Variants in STAG1 observed in about 807,000 individuals in gnomAD.
STAG1 encodes the protein cohesin subunit SA-1.
A neutral mutation model predicts 170.9 loss-of-function variants in STAG1; 26 were observed. That is an observed-to-expected ratio of 0.15 (90% CI 0.11 to 0.21). STAG1 has a LOEUF of 0.21. Ranked by LOEUF, STAG1 falls within the 10% of genes least tolerant of loss-of-function variation. STAG1 has a pLI of 1.00. For synonymous variants in STAG1, 514 were observed against 497.7 expected (o/e 1.03, Z -0.44); for missense variants, 964 against 1,509.5 (o/e 0.64, Z 5.99).
intron 6 of STAG1, among the ~76,000 whole-genome samples, chr3:136,541,538 T>TCACACATACACACACACTCACACACACA (rs1935899032): frequency 8.1e-6 from 1 of 123,122 alleles, no homozygotes; most frequent in Non-Finnish European, 1.7e-5. Context: ...AGCTTAACAT[T>TCACACATACACACACACTCACACACACA]CACACACACA....
At chr3:136,409,925 C>T (rs926377998) in intron 21 of STAG1, among the ~76,000 whole-genome samples, 7 of 151,452 alleles carry the variant, frequency 4.6e-5, no homozygotes, top group Non-Finnish European at 8.8e-5. Flanking sequence ...TGAAATATTT[C>T]TTTTAAAAAA....
chr3:136,433,513 C>T (rs770260326), intron 16 of STAG1, 43 bp downstream of exon 16: 2 of 1,403,774 alleles, frequency 1.4e-6, no homozygotes, highest in African/African-American at 1.4e-5. Context: ...CAGTTAATTG[C>T]CATTAAAAAC....
intron 6 of STAG1, among the ~76,000 whole-genome samples, chr3:136,540,159 T>C (rs1311246918): frequency 6.6e-6 from 1 of 152,066 alleles, no homozygotes; most frequent in African/African-American, 2.4e-5. Flanking sequence ...TTTCACAATA[T>C]ACATGCATTT....
At chr3:136,575,817 A>G (rs1359555721) in intron 4 of STAG1, among the ~76,000 whole-genome samples, 1 of 152,192 alleles carries the variant, frequency 6.6e-6, no homozygotes, top group Non-Finnish European at 1.5e-5. Flanking sequence ...ATTTCAGCTA[A>G]TATTAATACT....
intron 5 of STAG1, among the ~76,000 whole-genome samples, chr3:136,542,502 T>C (rs1200822601): frequency 1.3e-5 from 2 of 152,056 alleles, no homozygotes; most frequent in African/African-American, 2.4e-5. Context: ...GATAAAAGTA[T>C]ATAATTTGGT....
chr3:136,635,312 A>C (rs924573561), intron 1 of STAG1, among the ~76,000 whole-genome samples: 3 of 152,206 alleles, frequency 2.0e-5, no homozygotes, highest in African/African-American at 7.2e-5. Context: ...AGGCTGGTTC[A>C]ACATTCAAAA....
chr3:136,673,905 C>T (rs1239446517), intron 1 of STAG1, among the ~76,000 whole-genome samples: 1 of 151,646 alleles, frequency 6.6e-6, no homozygotes, highest in Non-Finnish European at 1.5e-5. Flanking sequence ...GAATTCAAGG[C>T]CAGCCTGGGT....
intron 6 of STAG1, among the ~76,000 whole-genome samples, chr3:136,521,679 T>C (rs1478465172): frequency 6.6e-6 from 1 of 152,166 alleles, no homozygotes; most frequent in Non-Finnish European, 1.5e-5. Context: ...AAAATAATAG[T>C]TCCACTTTGT....
chr3:136,366,949 G>A lies in STAG1; in HGVS notation c.2679C>T (p.Tyr893=), dbSNP rs375615279. The A allele has an allele frequency of 8.8e-6, 14 of 1,594,404 alleles. No individual in the cohort carries two copies. The African/African-American group carries it at 1.7e-4, about 20-fold the overall frequency. The change falls in exon 25 of 34, where the codon TAC becomes TAT. Residue 893 remains tyrosine, a synonymous_variant. Transcript: ENST00000383202. ...TAAGAATATTTAACTATACCTTCATGTAGTGTTTGAAGATGTCTGCAGCTG... is the reference window on the plus strand; with the variant it reads ...TAAGAATATTTAACTATACCTTCATATAGTGTTTGAAGATGTCTGCAGCTG... ...MHAAADIFKH[Y]MKYYNDYGDI... is the part of the protein sequence containing the mutation.
chr3:136,597,461 G>A (rs1190248497), intron 4 of STAG1, among the ~76,000 whole-genome samples: 5 of 152,116 alleles, frequency 3.3e-5, no homozygotes, highest in Non-Finnish European at 7.4e-5. Context: ...CTGACTATTG[G>A]TATGGTCAGG....
chr3:136,696,767 C>G (rs1363163196), intron 1 of STAG1, among the ~76,000 whole-genome samples: 1 of 151,972 alleles, frequency 6.6e-6, no homozygotes, highest in African/African-American at 2.4e-5. Context: ...TAAAAGAAGC[C>G]AGGCTAAAAA....
rs1296908870 is a variant in STAG1, at chr3:136,521,229, A to G, written c.660T>C (p.His220=). The change falls in exon 7 of 34, where the codon CAT becomes CAC. Residue 220 remains histidine, a synonymous_variant. Coordinates refer to ENST00000383202, the MANE Select transcript of STAG1 (RefSeq NM_005862.3). ...LSDSQVRAFR[H]TSTLAAMKLM... ...ATTACTTACCAGCCAGGGTACTTGT[A>G]TGCCTAAAAGCTCTGACCTGGGAGT... 3.1e-6 allele frequency: 5 copies of G among 1,613,530 alleles called. No individual in the cohort carries two copies. The highest frequency in any genetic ancestry group is 4.2e-6 in the Non-Finnish European group (5 of 1,179,688).
In STAG1 at chr3:136,728,492, G is replaced by A. The variant is rs922205020; in HGVS notation, c.-84+23703C>T. 5.3e-5 allele frequency among the ~76,000 whole-genome samples: 8 copies of A among 152,198 alleles called. No individual in the cohort carries two copies. The South Asian group carries it at 8.3e-4, about 16-fold the overall frequency. The stretch of plus-strand genomic sequence containing the variant: ...CTTTGGAAAGTCAACTAACTTCTCC[G>A]TGCCTCAGTTTTTTCATCTGTAAAG... On this transcript the variant is annotated intron_variant, in intron 1 of 33. Transcript: ENST00000383202.
chr3:136,738,480 G>C (rs1393880016), intron 1 of STAG1, among the ~76,000 whole-genome samples: 1 of 152,090 alleles, frequency 6.6e-6, no homozygotes, highest in Non-Finnish European at 1.5e-5. Flanking sequence ...GACAGAGCAA[G>C]ACTCCATATC....
chr3:136,610,038 T>C (rs1238625642), intron 3 of STAG1, among the ~76,000 whole-genome samples: 2 of 152,052 alleles, frequency 1.3e-5, no homozygotes, highest in Non-Finnish European at 2.9e-5. Flanking sequence ...CAGAATTTTC[T>C]TTTTTTTCTT....
At chr3:136,618,058 T>C (rs1939675474) in intron 3 of STAG1, among the ~76,000 whole-genome samples, 1 of 152,230 alleles carries the variant, frequency 6.6e-6, no homozygotes, top group Non-Finnish European at 1.5e-5. Context: ...CTAAATTTCT[T>C]TTCAAAGAAA....
chr3:136,583,919 C>T lies in STAG1; in HGVS notation c.298-15058G>A, dbSNP rs138997112. ...CAAGACCGTCCCAGTTAAATAATGA[C>T]AACTTTCTATCTTTGTCTCCTCATA... On this transcript the variant is annotated intron_variant, in intron 4 of 33. Transcript: ENST00000383202. Among the ~76,000 whole-genome samples, 982 of 152,304 alleles carry T rather than the reference C, an allele frequency of 6.4e-3. 12 individuals are homozygous for T. Among genetic ancestry groups the T allele is most frequent in the African/African-American group, 0.022 (933 of 41,576 alleles).
intron 4 of STAG1, among the ~76,000 whole-genome samples, chr3:136,596,882 G>A (rs1938450549): frequency 6.6e-6 from 1 of 152,092 alleles, no homozygotes; most frequent in Admixed American, 6.5e-5. Flanking sequence ...AGACCAGCTT[G>A]GCCAACATAG....
chr3:136,376,031 T>TAAAAC (rs1937597451), intron 23 of STAG1, among the ~76,000 whole-genome samples: 1 of 144,306 alleles, frequency 6.9e-6, no homozygotes, highest in Non-Finnish European at 1.5e-5. Flanking sequence ...TAAAATAAAA[T>TAAAAC]AAAATAAAAT....
Sources: gnomAD v4.1 joint callset for allele counts (sites outside exome capture counted in the v4.1 genomes callset) on GRCh38, gnomAD v4.1.1 for gene constraint, MANE v1.5 for transcripts, NCBI Gene and HGNC (gene_info 2026-07-23, HGNC 2026-07-21) for gene names.